CLASP2: variants seen among roughly 807,000 people sequenced by gnomAD.
The protein encoded by CLASP2 is CLIP-associating protein 2.
Under a neutral mutation model 194.4 loss-of-function variants are expected in CLASP2, and 47 were observed. The ratio of observed to expected loss-of-function variants is 0.24; its 90% confidence interval spans 0.19 to 0.31. CLASP2 has a LOEUF of 0.31. Among genes scored for constraint, CLASP2 ranks in the 10% least tolerant of loss-of-function variants. The pLI is 1.00. For synonymous variants in CLASP2, 619 were observed against 633.5 expected (o/e 0.98, Z 0.34); for missense variants, 1,445 against 1,823.6 (o/e 0.79, Z 3.78).
intron 2 of CLASP2, 47 bp downstream of exon 2, chr3:33,696,808 T>G (rs752522431): frequency 4.1e-6 from 5 of 1,207,252 alleles, no homozygotes; most frequent in Non-Finnish European, 6.0e-6. Flanking sequence ...AAAAAAGTCA[T>G]CATGTCAAAT....
At chr3:33,581,028 AAAAGAAAGAAAG>A (rs934005056) in intron 23 of CLASP2, among the ~76,000 whole-genome samples, 1 of 150,168 alleles carries the variant, frequency 6.7e-6, no homozygotes, top group Non-Finnish European at 1.5e-5. Flanking sequence ...AAAAAAAAAA[AAAAGAAAGAAAG>A]AAAAAAAAGA....
chr3:33,584,809 C>T lies in CLASP2; in HGVS notation c.2180G>A (p.Ser727Asn), dbSNP rs2066995855. 1 of 1,612,464 alleles carries T rather than the reference C, an allele frequency of 6.2e-7. No homozygotes were observed. Among genetic ancestry groups the T allele is most frequent in the Non-Finnish European group, 8.5e-7 (1 of 1,179,316 alleles). Reference sequence around the variant, plus strand: ...ACAGCCCTGGCTCCGTGGTATCTTGCTTCTTTTTTGTGCTGAGGCTGAATT... The same window carrying T: ...ACAGCCCTGGCTCCGTGGTATCTTGTTTCTTTTTTGTGCTGAGGCTGAATT... ...LVNSASAQKR[S>N]KIPRSQGCSR... The change falls in exon 22 of 39, where the codon AGC (serine) becomes AAC (asparagine). Residue 727 changes from serine (S) to asparagine (N), a missense_variant. By Grantham distance (46) the Ser-to-Asn change is conservative (BLOSUM62 1). Coordinates refer to ENST00000682230, the MANE Select transcript of CLASP2 (RefSeq NM_001365631.1).
At chr3:33,607,340 TA>T in intron 15 of CLASP2, 43 bp downstream of exon 15, 3 of 1,330,134 alleles carry the variant, frequency 2.3e-6, no homozygotes, top group Non-Finnish European at 2.1e-6. Context: ...CATTTTTTTT[TA>T]AAAAAGATTA....
rs1215309981 is a variant in CLASP2 at position 33,573,190 on chromosome 3, T to A, written c.2619A>T (p.Arg873Ser). Residue 873 changes from arginine (R) to serine (S), a missense_variant, in exon 25 of 39, where the codon AGA becomes AGT. Physicochemically the swap from Arg to Ser is moderately radical, Grantham distance 110. Transcript: ENST00000682230. The stretch of plus-strand genomic sequence containing the variant: ...TTTCTGACCAATTGGAACTAGCACA[T>A]CTATTGAGGACTTCTGCCACATCTT... Reference protein sequence around the residue: ...QTEDVAEVLNRCASSNWSERK... With the variant: ...QTEDVAEVLNSCASSNWSERK... The A allele has an allele frequency of 3.1e-6, 5 of 1,613,796 alleles. No individual in the cohort carries two copies. Among genetic ancestry groups the A allele is most frequent in the Admixed American group, 3.3e-5 (2 of 60,002 alleles).
intron 34 of CLASP2, among the ~76,000 whole-genome samples, chr3:33,524,628 G>A (rs1332969998): frequency 6.8e-6 from 1 of 147,996 alleles, no homozygotes; most frequent in Non-Finnish European, 1.5e-5. Context: ...TCCAGCCTGG[G>A]CAATGAAAGT....
rs567770824 is a variant in CLASP2, at chr3:33,703,950, A to T, written c.196-7017T>A. 1.1e-4 allele frequency among the ~76,000 whole-genome samples: 17 copies of T among 152,376 alleles called. No individual in the cohort carries two copies. In the South Asian group the frequency reaches 3.3e-3, roughly 30 times the overall value. On this transcript the variant is annotated intron_variant, in intron 1 of 38. Coordinates refer to ENST00000682230, the MANE Select transcript of CLASP2 (RefSeq NM_001365631.1). ...CAAGGCATGAATAAGACATGAAAGA[A>T]TCTTAAATGTATGCTATTAAGTGAA...
intron 18 of CLASP2, among the ~76,000 whole-genome samples, chr3:33,599,131 AT>A (rs2071312280): frequency 1.5e-5 from 2 of 132,398 alleles, no homozygotes; most frequent in African/African-American, 6.3e-5. Flanking sequence ...TTATTTATTT[AT>A]TTTGGAGAAC....
chr3:33,680,443 T>A (rs1048609930), intron 6 of CLASP2, among the ~76,000 whole-genome samples: 3 of 152,210 alleles, frequency 2.0e-5, no homozygotes, highest in African/African-American at 7.2e-5. Context: ...AGGCTAGGCA[T>A]GTATAGCGAC....
At chr3:33,502,689 T>C (rs897720514) in intron 37 of CLASP2, 3 of 152,202 alleles carry the variant, frequency 2.0e-5, no homozygotes, top group African/African-American at 7.2e-5. Context: ...TGAATGAATA[T>C]GCACATTTTA....
At chr3:33,515,661 ACC>A (rs1237997888) in intron 36 of CLASP2, among the ~76,000 whole-genome samples, 2 of 151,500 alleles carry the variant, frequency 1.3e-5, no homozygotes, top group Non-Finnish European at 2.9e-5. Context: ...CAAACAAACA[ACC>A]CCCCCAAAAC....
intron 6 of CLASP2, among the ~76,000 whole-genome samples, chr3:33,673,816 TA>T (rs1232460438): frequency 6.6e-6 from 1 of 152,120 alleles, no homozygotes; most frequent in Non-Finnish European, 1.5e-5. Flanking sequence ...AAACAGACTT[TA>T]AACCAACAAA....
chr3:33,700,189 TTGGA>T (rs1321437593), intron 1 of CLASP2, among the ~76,000 whole-genome samples: 5 of 152,148 alleles, frequency 3.3e-5, no homozygotes, highest in Admixed American at 3.3e-4. Context: ...CCCCAGCACT[TTGGA>T]AGGCAGGAAG....
At chr3:33,540,704 T>C (rs1210062256) in intron 32 of CLASP2, among the ~76,000 whole-genome samples, 1 of 152,132 alleles carries the variant, frequency 6.6e-6, no homozygotes, top group African/African-American at 2.4e-5. Context: ...TGTTAATGAA[T>C]AACTTGATGA....
In CLASP2 at chr3:33,700,750, C is replaced by T. The variant is rs565241467; in HGVS notation, c.196-3817G>A. On this transcript the variant is annotated intron_variant, in intron 1 of 38. Coordinates refer to ENST00000682230, the MANE Select transcript of CLASP2 (RefSeq NM_001365631.1). Reference sequence around the variant, plus strand: ...CTGTAATCCCAGCTACTCGGGAGGCCGAGGCAGGAGAATCATTTGAACCTG... The same window carrying T: ...CTGTAATCCCAGCTACTCGGGAGGCTGAGGCAGGAGAATCATTTGAACCTG... 1.9e-4 allele frequency among the ~76,000 whole-genome samples: 29 copies of T among 151,592 alleles called. No individual in the cohort carries two copies. The East Asian group carries it at 5.1e-3, about 26-fold the overall frequency.
At position 33,678,268 on chromosome 3, in the gene CLASP2, C is replaced by A. The variant is rs897539436; in HGVS notation, c.644+6091G>T. Among the ~76,000 whole-genome samples, 4 of 152,064 alleles carry A rather than the reference C, an allele frequency of 2.6e-5. No individual in the cohort carries two copies. In the South Asian group the frequency reaches 6.2e-4, roughly 24 times the overall value. ...GATACCAAACCGCAGATCCAGGAAG[C>A]TCAGAGAACACCAAGCAGAACAAAT... On this transcript the variant is annotated intron_variant, in intron 6 of 38. Transcript: ENST00000682230.
At chr3:33,500,728 T>C (rs889507087) in intron 38 of CLASP2, among the ~76,000 whole-genome samples, 3 of 151,142 alleles carry the variant, frequency 2.0e-5, no homozygotes, top group African/African-American at 7.3e-5. Flanking sequence ...TTTTCCATTA[T>C]ATGTATATTC....
At chr3:33,534,885 T>C (rs1252829746) in intron 34 of CLASP2, among the ~76,000 whole-genome samples, 1 of 152,182 alleles carries the variant, frequency 6.6e-6, no homozygotes, top group Non-Finnish European at 1.5e-5. Context: ...AAAGAATGGG[T>C]ATTTCTTCAA....
intron 23 of CLASP2, chr3:33,577,252 T>C: frequency 6.3e-7 from 1 of 1,598,126 alleles, no homozygotes; most frequent in South Asian, 1.1e-5. Flanking sequence ...TGATCTGGAA[T>C]GGTGTCTGGA....
At chr3:33,713,800 A>T (rs1478493915) in intron 1 of CLASP2, among the ~76,000 whole-genome samples, 1 of 151,996 alleles carries the variant, frequency 6.6e-6, no homozygotes, top group Non-Finnish European at 1.5e-5. Context: ...GGTAGAGATG[A>T]GGTCTCACTA....
Sources: allele counts gnomAD v4.1 joint callset (sites outside exome capture counted in the v4.1 genomes callset), GRCh38; gene constraint gnomAD v4.1.1; transcripts MANE v1.5; gene names NCBI Gene and HGNC (gene_info 2026-07-23, HGNC 2026-07-21).